Variants in MPG observed in about 807,000 individuals in gnomAD.
MPG encodes the protein DNA-3-methyladenine glycosylase.
Under a neutral mutation model 31.7 loss-of-function variants are expected in MPG, and 33 were observed. The observed-to-expected ratio is 1.04, with a 90% CI of 0.79 to 1.39. MPG has a LOEUF of 1.39. Ranked by LOEUF, MPG falls within the 40% of genes most tolerant of loss-of-function variation. The pLI is 0.00. For synonymous variants in MPG, 202 were observed against 169.2 expected, an observed-to-expected ratio of 1.19 and a Z score of -1.51; for missense variants, 455 against 415.5, an observed-to-expected ratio of 1.10 and a Z score of -0.83.
rs1567126239 is a variant in MPG, at chr16:85,510, G to T, written c.615G>T (p.Lys205Asn). Reference protein sequence around the residue: ...LRKGTASRVLKDRELCSGPSK... With the variant: ...LRKGTASRVLNDRELCSGPSK... ...AAGGCACCGCCAGCCGTGTCCTCAA[G>T]GACCGCGAGCTCTGCAGTGGCCCCT... is the stretch of plus-strand genomic sequence containing the variant. Residue 205 changes from lysine to asparagine, a missense_variant, in exon 4 of 4, where the codon AAG (lysine) becomes AAT (asparagine). By Grantham distance (94) the Lys-to-Asn change is moderately conservative (BLOSUM62 0). Coordinates refer to ENST00000356432, the MANE Select transcript of MPG (RefSeq NM_001015052.3). 4 of 1,613,386 alleles carry T rather than the reference G, an allele frequency of 2.5e-6. No homozygotes were observed. Among genetic ancestry groups the T allele is most frequent in the Non-Finnish European group, 2.5e-6 (3 of 1,180,040 alleles).
At position 85,501 on chromosome 16, in the gene MPG, T is replaced by C. The variant is rs765075901; in HGVS notation, c.606T>C (p.Arg202=). Residue 202 remains arginine, a synonymous_variant, in exon 4 of 4, where the codon CGT becomes CGC. Transcript: ENST00000356432. The part of the protein sequence containing the change: ...RSTLRKGTAS[R]VLKDRELCSG... ...CCCTCCGGAAAGGCACCGCCAGCCG[T>C]GTCCTCAAGGACCGCGAGCTCTGCA... 4 of 1,613,246 alleles carry C rather than the reference T, an allele frequency of 2.5e-6. No individual in the cohort carries two copies. Among genetic ancestry groups the C allele is most frequent in the Non-Finnish European group, 3.4e-6 (4 of 1,180,046 alleles).
chr16:77,592 A>G (rs966019472), upstream of MPG, among the ~76,000 whole-genome samples: 1 of 152,200 alleles, frequency 6.6e-6, no homozygotes, highest in Non-Finnish European at 1.5e-5. Flanking sequence ...AGCTCCCTTC[A>G]GCATCCCTGG....
In MPG at chr16:85,773, C is replaced by A; in HGVS notation, c.878C>A (p.Ala293Asp). ...AGAGTGGCTGAGCAGGACACACAGGCCTGAGCAAAGGGCCTGCCCAGACAA... is the reference window on the plus strand; with the variant it reads ...AGAGTGGCTGAGCAGGACACACAGGACTGAGCAAAGGGCCTGCCCAGACAA... ...VDRVAEQDTQ[A>D] The change falls in exon 4 of 4, where the codon GCC (alanine) becomes GAC (aspartate). Residue 293 changes from alanine to aspartate, a missense_variant. By Grantham distance (126) the Ala-to-Asp change is moderately radical. Coordinates refer to ENST00000356432, the MANE Select transcript of MPG (RefSeq NM_001015052.3). 6.7e-7 allele frequency: 1 copy of A among 1,497,504 alleles called. No homozygotes were observed. The highest frequency in any genetic ancestry group is 8.9e-7 in the Non-Finnish European group (1 of 1,122,414). The allele number at this position is 1,497,504 out of a possible 1,614,324, so 92.8% of individuals were successfully genotyped here. A position where few individuals can be genotyped will look rare whatever the true frequency, so the allele number is the denominator to read the frequency against.
Position 81,372 on chromosome 16 carries a change from T to C in MPG, c.300+1672T>C, listed in dbSNP as rs116289159. 4.4e-3 allele frequency among the ~76,000 whole-genome samples: 677 copies of C among 152,262 alleles called. 5 individuals carry two copies. Among genetic ancestry groups the C allele is most frequent in the African/African-American group, 0.016 (645 of 41,536 alleles). ...GGGAACCTCCTCTCCAGAGTGGTAG[T>C]TGGGCCCCCCCAGTGTGCCCCCATG... On this transcript the variant is annotated intron_variant, in intron 2 of 3. Transcript: ENST00000356432.
intron 1 of MPG, 32 bp from the exon 2 acceptor site, chr16:79,393 C>A: frequency 1.2e-6 from 2 of 1,613,790 alleles, no homozygotes; most frequent in Non-Finnish European, 1.7e-6. Context: ...GTCTCCTATT[C>A]GGATGCTTAT....
At chr16:83,451 C>A in intron 3 of MPG, 195 bp downstream of exon 3, 1 of 581,292 alleles carries the variant, frequency 1.7e-6, no homozygotes, top group Non-Finnish European at 3.0e-6. Flanking sequence ...GTAGAAAGGG[C>A]CGGGTGGGGC....
intron 2 of MPG, among the ~76,000 whole-genome samples, chr16:82,080 C>CCCCGGCGAGCATCTAAGCT (rs1898259243): frequency 8.3e-6 from 1 of 119,830 alleles, no homozygotes; most frequent in Non-Finnish European, 1.6e-5. Context: ...CTGAATGCTC[C>CCCCGGCGAGCATCTAAGCT]CCACGCTGGC....
chr16:82,167 AT>A (rs1567124438), intron 2 of MPG, among the ~76,000 whole-genome samples: 1,643 of 75,564 alleles, frequency 0.022, 661 homozygotes, highest in African/African-American at 0.099. Flanking sequence ...CCACCACCCT[AT>A]CTCCGGGAAG....
At chr16:79,758 TG>T in intron 2 of MPG, 58 bp downstream of exon 2, 1 of 1,504,780 alleles carries the variant, frequency 6.6e-7, no homozygotes, top group South Asian at 1.3e-5. Flanking sequence ...CAGTTGTCCC[TG>T]AACCCCTGTC....
Position 79,526 on chromosome 16 carries a change from CTCG to C in MPG, c.129_131del (p.Ser44del), listed in dbSNP as rs1275177492. 6.2e-7 allele frequency: 1 copy of C among 1,612,990 alleles called. No individual in the cohort carries two copies. The highest frequency in any genetic ancestry group is 2.2e-5 in the East Asian group (1 of 44,886). On this transcript the variant is annotated inframe_deletion, in exon 2 of 4. Coordinates refer to ENST00000356432, the MANE Select transcript of MPG (RefSeq NM_001015052.3). ...AGGCACCTGCAGAGCAGCCACACAG[CTCG>C]TCCGATGCAGCCCAGGCACCTTGCC...
chr16:80,155 G>A (rs949982182), intron 2 of MPG, among the ~76,000 whole-genome samples: 1 of 152,250 alleles, frequency 6.6e-6, no homozygotes, highest in Non-Finnish European at 1.5e-5. Flanking sequence ...CAGACTTGGA[G>A]TAAGAAGCAG....
chr16:83,078 C>G lies in MPG; in HGVS notation c.327C>G (p.Gly109=), dbSNP rs148265856. The change falls in exon 3 of 4, where the codon GGC becomes GGG. Residue 109 remains glycine (G), a synonymous_variant. Coordinates refer to ENST00000356432, the MANE Select transcript of MPG (RefSeq NM_001015052.3). ...TCCTAGTCCGGCGACTTCCTAATGG[C>G]ACAGAACTCCGAGGCCGCATCGTGG... ...GQVLVRRLPN[G]TELRGRIVET... 1.5e-3 allele frequency: 2,352 copies of G among 1,609,212 alleles called. 3 individuals carry two copies. The highest frequency in any genetic ancestry group is 1.9e-3 in the Non-Finnish European group (2,242 of 1,177,488).
upstream of MPG, among the ~76,000 whole-genome samples, chr16:77,483 G>T (rs1267615840): frequency 2.0e-5 from 3 of 152,232 alleles, no homozygotes; most frequent in Admixed American, 1.3e-4. Flanking sequence ...AGAAGCGTAG[G>T]ACGGCTGCGC....
At chr16:77,653 C>T (rs1898123723), upstream of MPG, among the ~76,000 whole-genome samples, 1 of 152,228 alleles carries the variant, frequency 6.6e-6, no homozygotes, top group African/African-American at 2.4e-5. Flanking sequence ...CGCGCCGCTC[C>T]CTCCTTCCTT....
At chr16:79,100 C>T (rs1273999476) in intron 1 of MPG, 2 of 1,456,780 alleles carry the variant, frequency 1.4e-6, no homozygotes, top group African/African-American at 2.8e-5. Context: ...AGGGCACCAG[C>T]CCTGCTGTCC....
At chr16:78,054 C>T, upstream of MPG, 1 of 308,378 alleles carries the variant, frequency 3.2e-6, no homozygotes, top group Non-Finnish European at 6.0e-6. Flanking sequence ...GCTCTCGCCT[C>T]GCAGGCACCG....
At chr16:83,432 G>C (rs1225962263) in intron 3 of MPG, 176 bp downstream of exon 3, 1 of 639,644 alleles carries the variant, frequency 1.6e-6, no homozygotes, top group Admixed American at 3.0e-5. Flanking sequence ...GGCTGGTTAG[G>C]TTAAAGGGGT....
chr16:83,862 G>A (rs1898332246), intron 3 of MPG, among the ~76,000 whole-genome samples: 1 of 152,200 alleles, frequency 6.6e-6, no homozygotes, highest in African/African-American at 2.4e-5. Context: ...AAGCTGATTG[G>A]AGAAGAGGAT....
intron 2 of MPG, among the ~76,000 whole-genome samples, chr16:81,478 T>C (rs1478304072): frequency 6.6e-6 from 1 of 152,230 alleles, no homozygotes; most frequent in African/African-American, 2.4e-5. Context: ...GGGCCACCCT[T>C]TCTCCCCTGG....
Sources: allele counts gnomAD v4.1 joint callset (sites outside exome capture counted in the v4.1 genomes callset), GRCh38; gene constraint gnomAD v4.1.1; transcripts MANE v1.5; gene names NCBI Gene and HGNC (gene_info 2026-07-23, HGNC 2026-07-21).